Variants in WDR4 observed in about 807,000 individuals in gnomAD.
WDR4 encodes the protein tRNA (guanine-N(7)-)-methyltransferase non-catalytic subunit WDR4.
Under a neutral mutation model 48.6 loss-of-function variants are expected in WDR4, and 47 were observed. The observed-to-expected ratio is 0.97, with a 90% CI of 0.77 to 1.23. The LOEUF (loss-of-function observed/expected upper bound fraction) is 1.23, where lower values mean the gene tolerates loss of function less well. Ranked by LOEUF, WDR4 falls within the 50% of genes most tolerant of loss-of-function variation. WDR4 has a pLI of 0.00. For missense variants in WDR4, 606 were observed against 551.6 expected, an observed-to-expected ratio of 1.10 and a Z score of -0.99; for synonymous variants, 268 against 230.0, an observed-to-expected ratio of 1.17 and a Z score of -1.49.
intron 7 of WDR4, among the ~76,000 whole-genome samples, chr21:42,855,282 G>A (rs1020927986): frequency 1.3e-5 from 2 of 152,230 alleles, no homozygotes; most frequent in African/African-American, 2.4e-5. Context: ...GGAACAGACC[G>A]TTTGGCGGGA....
chr21:42,854,610 C>T lies in WDR4; in HGVS notation c.743G>A (p.Arg248Lys), dbSNP rs1364786546. 6.2e-7 allele frequency: 1 copy of T among 1,613,832 alleles called. No individual in the cohort carries two copies. Among genetic ancestry groups the T allele is most frequent in the East Asian group, 2.2e-5 (1 of 44,880 alleles). Residue 248 changes from arginine to lysine, a missense_variant, in exon 8 of 11, where the codon AGG becomes AAG. Physicochemically the swap from Arg to Lys is conservative, Grantham distance 26 (BLOSUM62 2). Transcript: ENST00000398208. ...PQAPQKFAAS[R>K]IAFWCQENCV... is the part of the protein sequence containing the mutation. ...GTTCTCCTGGCACCAGAATGCAATC[C>T]TGGACGCGGCAAACTTCTAAAAGGA...
chr21:42,872,557 G>A (rs909997665), intron 3 of WDR4, among the ~76,000 whole-genome samples: 11 of 149,028 alleles, frequency 7.4e-5, no homozygotes, highest in African/African-American at 2.5e-4. Context: ...GCTGTAGTGA[G>A]CCAAGATCAC....
the WDR4 span, among the ~76,000 whole-genome samples, chr21:42,891,418 GTCTTT>G: frequency 6.6e-6 from 1 of 152,022 alleles, no homozygotes; most frequent in South Asian, 2.1e-4. Flanking sequence ...GCCAGAGGAG[GTCTTT>G]TCTTTTTGTT....
At chr21:42,858,946 T>C (rs907068348) in intron 6 of WDR4, among the ~76,000 whole-genome samples, 2 of 152,140 alleles carry the variant, frequency 1.3e-5, no homozygotes, top group East Asian at 3.9e-4. Flanking sequence ...CGGGCAACAA[T>C]TCCGCAAGAG....
chr21:42,863,404 C>G (rs780711395), intron 4 of WDR4, 36 bp downstream of exon 4: 1 of 1,592,074 alleles, frequency 6.3e-7, no homozygotes, highest in East Asian at 2.3e-5. Flanking sequence ...TGTCCCACAC[C>G]TGCCATGTCC....
At chr21:42,853,496 A>G (rs1263835851) in intron 9 of WDR4, 73 bp downstream of exon 9, 23 of 1,498,478 alleles carry the variant, frequency 1.5e-5, no homozygotes, top group Non-Finnish European at 1.9e-5. Context: ...CCCAAAAAAC[A>G]TAGCTGCCGC....
At position 42,850,246 on chromosome 21, in the gene WDR4, T is replaced by C. The variant is rs568037194; in HGVS notation, c.1046-4A>G. On this transcript the variant is annotated splice_polypyrimidine_tract_variant and splice_region_variant and intron_variant, in intron 10 of 10. Coordinates refer to ENST00000398208, the MANE Select transcript of WDR4 (RefSeq NM_018669.6). Reference sequence around the variant, plus strand: ...CTGGCGTCTGCGCCGGCAGAGCCTGTGATGGGGGAACAAGGACAGGTGCCA... The same window carrying C: ...CTGGCGTCTGCGCCGGCAGAGCCTGCGATGGGGGAACAAGGACAGGTGCCA... 22 of 1,585,932 alleles carry C rather than the reference T, an allele frequency of 1.4e-5. 1 individual carries two copies. In the East Asian group the frequency reaches 3.9e-4, roughly 28 times the overall value.
At chr21:42,873,434 G>A (rs186343257) in intron 3 of WDR4, 117 bp downstream of exon 3, 15 of 1,418,954 alleles carry the variant, frequency 1.1e-5, no homozygotes, top group African/African-American at 2.8e-5. Context: ...ACTGAACTGC[G>A]GCTCCGTGTC....
chr21:42,875,830 C>A (rs1294593966), intron 2 of WDR4, among the ~76,000 whole-genome samples: 1 of 152,084 alleles, frequency 6.6e-6, no homozygotes, highest in Non-Finnish European at 1.5e-5. Context: ...ACTTCCTACA[C>A]CCGCCTTCAA....
intron 5 of WDR4, among the ~76,000 whole-genome samples, chr21:42,861,652 G>A (rs2058119850): frequency 6.6e-6 from 1 of 152,164 alleles, no homozygotes; most frequent in African/African-American, 2.4e-5. Context: ...TCTTAAACAG[G>A]AAATGTTTGG....
chr21:42,860,012 A>T (rs895299407), intron 5 of WDR4, among the ~76,000 whole-genome samples: 2 of 152,060 alleles, frequency 1.3e-5, no homozygotes, highest in African/African-American at 4.8e-5. Flanking sequence ...CCAGAGACCC[A>T]AGCGCCTCTG....
rs1354993023 is a variant in WDR4, at chr21:42,862,134, G to A, written c.566+148C>T. On this transcript the variant is annotated intron_variant, in intron 5 of 10. Transcript: ENST00000398208. The surrounding 1 kb of genome is among the most constrained non-coding windows in gnomAD (Gnocchi z 4.3). ...TCAGGGCTTCTGCAGGCAGCACCAC[G>A]GCGCCTGCAGTGACCAAACACCAAG... 5 of 653,364 alleles carry A rather than the reference G, an allele frequency of 7.7e-6. No homozygotes were observed. Among genetic ancestry groups the A allele is most frequent in the South Asian group, 1.9e-5 (1 of 51,956 alleles). The allele number at this position is 653,364 out of a possible 1,614,324, so 40.5% of individuals were successfully genotyped here.
intron 3 of WDR4, among the ~76,000 whole-genome samples, chr21:42,864,894 A>G (rs948447451): frequency 6.6e-6 from 1 of 152,174 alleles, no homozygotes; most frequent in Non-Finnish European, 1.5e-5. Context: ...GCCTCACTAC[A>G]GAACAGCAGC....
intron 5 of WDR4, among the ~76,000 whole-genome samples, chr21:42,861,484 G>T (rs538791929): frequency 6.6e-6 from 1 of 152,264 alleles, no homozygotes; most frequent in South Asian, 2.1e-4. Flanking sequence ...CCTCCCTCAC[G>T]TGCCTGGCGA....
chr21:42,866,025 A>C (rs532289229), intron 3 of WDR4, among the ~76,000 whole-genome samples: 1 of 152,270 alleles, frequency 6.6e-6, no homozygotes, highest in South Asian at 2.1e-4. Flanking sequence ...GGGCAGAGCG[A>C]ATCAGATGGT....
In WDR4 at chr21:42,849,861, G is replaced by A. The variant is rs939897734; in HGVS notation, c.*188C>T. ...TCCCTTCAACCAGAAAGGGGGCACA[G>A]GCACCCAGCAAGAGCCTGTGCTGGT... is the stretch of plus-strand genomic sequence containing the variant. On this transcript the variant is annotated 3_prime_UTR_variant, in exon 11 of 11. Coordinates refer to ENST00000398208, the MANE Select transcript of WDR4 (RefSeq NM_018669.6). 3.0e-6 allele frequency: 2 copies of A among 662,722 alleles called. No homozygotes were observed. Among genetic ancestry groups the A allele is most frequent in the African/African-American group, 3.8e-5 (2 of 53,328 alleles). The allele number at this position is 662,722 out of a possible 1,614,324, so 41.1% of individuals were successfully genotyped here.
At chr21:42,877,112 C>CGTGTG (rs1439585655) in intron 1 of WDR4, among the ~76,000 whole-genome samples, 1 of 133,106 alleles carries the variant, frequency 7.5e-6, no homozygotes, top group African/African-American at 2.5e-5. Flanking sequence ...GCGCCTGGCC[C>CGTGTG]ATGTGAGCCA....
chr21:42,852,133 G>T, intron 10 of WDR4, 122 bp downstream of exon 10: 1 of 1,036,106 alleles, frequency 9.7e-7, no homozygotes, highest in Non-Finnish European at 1.5e-6. Context: ...GGGGACACAC[G>T]CTTACTCTCC....
At chr21:42,872,436 T>G (rs1460533806) in intron 3 of WDR4, among the ~76,000 whole-genome samples, 1 of 149,706 alleles carries the variant, frequency 6.7e-6, no homozygotes, top group Non-Finnish European at 1.5e-5. Context: ...GTGGTGAAAC[T>G]CTGTCTCCAG....
Sources: gnomAD v4.1 joint callset for allele counts (sites outside exome capture counted in the v4.1 genomes callset) on GRCh38, gnomAD v4.1.1 for gene constraint, Gnocchi (gnomAD v3.1) non-coding constraint, MANE v1.5 for transcripts, NCBI Gene and HGNC (gene_info 2026-07-23, HGNC 2026-07-21) for gene names.